TXNDC8: variants seen among roughly 807,000 people sequenced by gnomAD.
The protein encoded by TXNDC8 is thioredoxin domain-containing protein 8.
A neutral mutation model predicts 12.9 loss-of-function variants in TXNDC8; 15 were observed. That is an observed-to-expected ratio of 1.16 (90% CI 0.78 to 1.79). The LOEUF (loss-of-function observed/expected upper bound fraction) is 1.79. Among genes scored for constraint, TXNDC8 ranks in the 40% most tolerant of loss-of-function variants. The probability of loss-of-function intolerance (pLI) is 0.00; values close to 1 mark genes in which losing one functional copy is unlikely to be tolerated. For synonymous variants in TXNDC8, 40 were observed against 35.4 expected (o/e 1.13, Z -0.46); for missense variants, 128 against 113.2 (o/e 1.13, Z -0.59).
intron 3 of TXNDC8, among the ~76,000 whole-genome samples, chr9:110,324,566 T>C (rs1388299513): frequency 6.6e-6 from 1 of 152,194 alleles, no homozygotes; most frequent in Non-Finnish European, 1.5e-5. Flanking sequence ...GGAGTAGATG[T>C]ATCAGAATTT....
chr9:110,319,044 C>A (rs1838991413), intron 3 of TXNDC8, among the ~76,000 whole-genome samples: 1 of 152,170 alleles, frequency 6.6e-6, no homozygotes, highest in Non-Finnish European at 1.5e-5. Context: ...CTACACTTTG[C>A]CCACTTTTGT....
chr9:110,325,665 C>T (rs894951697), intron 3 of TXNDC8, among the ~76,000 whole-genome samples: 13 of 152,152 alleles, frequency 8.5e-5, no homozygotes, highest in East Asian at 7.7e-4. Context: ...GGACTACAGG[C>T]GCCCGCCACC....
At chr9:110,330,528 T>C (rs1346620750) in intron 2 of TXNDC8, among the ~76,000 whole-genome samples, 1 of 152,218 alleles carries the variant, frequency 6.6e-6, no homozygotes, top group Non-Finnish European at 1.5e-5. Flanking sequence ...AGACTACATA[T>C]TGCCTTCCCC....
intron 3 of TXNDC8, 94 bp downstream of exon 4, chr9:110,326,081 G>A: frequency 8.3e-7 from 1 of 1,206,266 alleles, no homozygotes; most frequent in South Asian, 1.3e-5. Context: ...AATAAATGTA[G>A]TTATTTCATC....
At chr9:110,321,103 C>T (rs1839076526) in intron 3 of TXNDC8, among the ~76,000 whole-genome samples, 1 of 152,080 alleles carries the variant, frequency 6.6e-6, no homozygotes. Context: ...TTTTCAAGTT[C>T]TATTTTATTG....
Position 110,315,588 on chromosome 9 carries a change from G to A in TXNDC8, c.195+10587C>T, listed in dbSNP as rs1461742214. Among the ~76,000 whole-genome samples the A allele has an allele frequency of 3.9e-5, 6 of 152,178 alleles. 1 individual carries two copies. The highest frequency in any genetic ancestry group is 3.4e-3 in the Middle Eastern group (1 of 292). ...TAATTATAGCAAAATATCTTGGCCAGTTGATATGCAATTTTGGTTTTGATC... is the reference window on the plus strand; with the variant it reads ...TAATTATAGCAAAATATCTTGGCCAATTGATATGCAATTTTGGTTTTGATC... On this transcript the variant is annotated intron_variant, in intron 3 of 4. Transcript: ENST00000423740.
chr9:110,322,558 TC>T, intron 3 of TXNDC8: 1 of 985,440 alleles, frequency 1.0e-6, no homozygotes, highest in Non-Finnish European at 1.2e-6. Flanking sequence ...ATGCCTTTCC[TC>T]AAAAGCATAG....
chr9:110,318,877 G>A (rs1326319640), intron 3 of TXNDC8, among the ~76,000 whole-genome samples: 1 of 152,200 alleles, frequency 6.6e-6, no homozygotes, highest in East Asian at 1.9e-4. Flanking sequence ...TTAAATAAAG[G>A]TAAGATTTAA....
chr9:110,305,817 CTTTCCTTTCCTTTCT>C (rs1838446028), intron 3 of TXNDC8, among the ~76,000 whole-genome samples: 1 of 119,308 alleles, frequency 8.4e-6, no homozygotes, highest in Non-Finnish European at 1.6e-5. Context: ...CTTTCCTTTC[CTTTCCTTTCCTTTCT>C]TTTCCTTTCT....
chr9:110,337,510 T>C (rs138288536), intron 1 of TXNDC8, among the ~76,000 whole-genome samples: 2 of 152,302 alleles, frequency 1.3e-5, no homozygotes, highest in South Asian at 4.1e-4. Flanking sequence ...TACTAGGAGC[T>C]GGTCTGGGAT....
intron 3 of TXNDC8, among the ~76,000 whole-genome samples, chr9:110,314,138 T>C (rs1838789901): frequency 1.3e-5 from 2 of 152,170 alleles, no homozygotes; most frequent in African/African-American, 4.8e-5. Flanking sequence ...TCTGATTGCC[T>C]CCTTTGGAGA....
At chr9:110,312,896 T>G (rs1331791940) in intron 3 of TXNDC8, among the ~76,000 whole-genome samples, 1 of 152,166 alleles carries the variant, frequency 6.6e-6, no homozygotes, top group African/African-American at 2.4e-5. Flanking sequence ...TGGCTACAAG[T>G]CTTCTTTTTT....
At chr9:110,317,453 C>G (rs1027250615) in intron 3 of TXNDC8, among the ~76,000 whole-genome samples, 1 of 152,186 alleles carries the variant, frequency 6.6e-6, no homozygotes, top group African/African-American at 2.4e-5. Flanking sequence ...ATGCTCTGCT[C>G]AAGGGACAGG....
chr9:110,309,064 G>C (rs911376923), intron 3 of TXNDC8, among the ~76,000 whole-genome samples: 2 of 152,154 alleles, frequency 1.3e-5, no homozygotes, highest in Non-Finnish European at 2.9e-5. Context: ...TTTCTCGTAG[G>C]AAGTTGTTAA....
intron 2 of TXNDC8, among the ~76,000 whole-genome samples, chr9:110,334,007 A>G (rs1428131601): frequency 1.3e-5 from 2 of 152,206 alleles, no homozygotes; most frequent in Non-Finnish European, 2.9e-5. Flanking sequence ...TTGCAGAATT[A>G]CCTGTGGACA....
rs756564130 is a variant in TXNDC8 at position 110,334,253 on chromosome 9, C to T, written c.92G>A (p.Arg31Gln). The change falls in exon 2 of 5, where the codon CGG becomes CAG. Residue 31 changes from arginine (R) to glutamine (Q), a missense_variant. Transcript: ENST00000423740. The stretch of plus-strand genomic sequence containing the variant: ...AAACATCCTTTTGCAGGGACCACAC[C>T]GTTTCGAAGAAAATTGAACCACTGC... 10 of 1,613,652 alleles carry T rather than the reference C, an allele frequency of 6.2e-6. No individual in the cohort carries two copies. Among genetic ancestry groups the T allele is most frequent in the African/African-American group, 1.3e-5 (1 of 74,914 alleles).
At chr9:110,304,323 C>T (rs576411049) in intron 4 of TXNDC8, 144 bp downstream of exon 5, 11 of 654,248 alleles carry the variant, frequency 1.7e-5, no homozygotes, top group African/African-American at 7.4e-5. Context: ...CTTTACTGCC[C>T]GGTGTGCTGC....
At chr9:110,327,326 AT>A (rs59735243) in intron 2 of TXNDC8, among the ~76,000 whole-genome samples, 1,543 of 114,154 alleles carry the variant, frequency 0.014, 16 homozygotes, top group African/African-American at 0.064. Context: ...TATACTATAT[AT>A]TTTTTTTTTT....
At chr9:110,312,202 A>G (rs1211065886) in intron 3 of TXNDC8, among the ~76,000 whole-genome samples, 3 of 152,210 alleles carry the variant, frequency 2.0e-5, no homozygotes, top group Non-Finnish European at 4.4e-5. Context: ...AATTTGGAGC[A>G]TATTTGTTTC....
Sources: allele counts gnomAD v4.1 joint callset (sites outside exome capture counted in the v4.1 genomes callset), GRCh38; gene constraint gnomAD v4.1.1; transcripts MANE v1.5; gene names NCBI Gene and HGNC (gene_info 2026-07-23, HGNC 2026-07-21).